Variants in PABIR1 observed in about 807,000 individuals in gnomAD.
PABIR1 encodes the protein PP2A Aalpha (PPP2R1A) and B55A (PPP2R2A) interacting phosphatase regulator 1.
In PABIR1, 2 loss-of-function variants were observed where a neutral mutation model predicts 14.6. The observed-to-expected ratio is 0.14, with a 90% CI of 0.06 to 0.43. The LOEUF (loss-of-function observed/expected upper bound fraction) is 0.43. Among genes scored for constraint, PABIR1 ranks in the 20% least tolerant of loss-of-function variants. The pLI, the probability that PABIR1 is intolerant of heterozygous loss-of-function variation, is 0.99. For synonymous variants in PABIR1, 163 were observed against 155.4 expected (o/e 1.05, Z -0.36); for missense variants, 294 against 379.0 (o/e 0.78, Z 1.86).
Position 68,780,542 on chromosome 9 carries a change from C to T in PABIR1, c.378C>T (p.Asn126=), listed in dbSNP as rs1831204682. Residue 126 remains asparagine, a synonymous_variant, in exon 1 of 1, where the codon AAC becomes AAT. Transcript: ENST00000394264. ...SWEESFSLSD[N]DVEKSASPKR... ...AGGAAAGTTTCAGCCTGAGTGACAA[C>T]GACGTGGAGAAATCCGCCTCCCCCA... 1.2e-6 allele frequency: 2 copies of T among 1,614,176 alleles called. No individual in the cohort carries two copies. Among genetic ancestry groups the T allele is most frequent in the Non-Finnish European group, 1.7e-6 (2 of 1,180,022 alleles).
chr9:68,781,257 A>G lies in PABIR1; in HGVS notation c.*229A>G, dbSNP rs1831256840. The G allele has an allele frequency of 1.8e-6, 1 of 555,578 alleles. No individual in the cohort carries two copies. The highest frequency in any genetic ancestry group is 3.3e-5 in the East Asian group (1 of 30,562). The allele number at this position is 555,578 out of a possible 1,614,324, so 34.4% of individuals were successfully genotyped here. ...AGACGTTTCCCCAATAAGTGTGTTG[A>G]AGCATACATCTTTACGCTGCTAATA... On this transcript the variant is annotated 3_prime_UTR_variant, in exon 1 of 1. Coordinates refer to ENST00000394264, the MANE Select transcript of PABIR1 (RefSeq NM_138333.5).
Sources: allele counts gnomAD v4.1 joint callset, GRCh38; gene constraint gnomAD v4.1.1; transcripts MANE v1.5; gene names NCBI Gene and HGNC (gene_info 2026-07-23, HGNC 2026-07-21).